SLC47A2: variants seen among roughly 807,000 people sequenced by gnomAD.
SLC47A2 encodes the protein multidrug and toxin extrusion protein 2.
In SLC47A2, 52 loss-of-function variants were observed where a neutral mutation model predicts 67.7. The observed-to-expected ratio is 0.77, with a 90% CI of 0.61 to 0.97. SLC47A2 has a LOEUF of 0.97. Among genes scored for constraint, SLC47A2 ranks in the 50% least tolerant of loss-of-function variants. The pLI, the probability that SLC47A2 is intolerant of heterozygous loss-of-function variation, is 0.00. For missense variants in SLC47A2, 676 were observed against 712.3 expected, an observed-to-expected ratio of 0.95 and a Z score of 0.58; for synonymous variants, 278 against 292.9, an observed-to-expected ratio of 0.95 and a Z score of 0.52.
intron 13 of SLC47A2, among the ~76,000 whole-genome samples, chr17:19,683,130 G>C (rs1045921966): frequency 3.3e-5 from 5 of 151,964 alleles, no homozygotes; most frequent in Non-Finnish European, 5.9e-5. Flanking sequence ...GATCTTTTTT[G>C]GCTAAAGACT....
chr17:19,678,722 C>G lies in SLC47A2; in HGVS notation c.1665G>C (p.Val555=). The G allele has an allele frequency of 6.2e-7, 1 of 1,613,528 alleles. No individual in the cohort carries two copies. Among genetic ancestry groups the G allele is most frequent in the Non-Finnish European group, 8.5e-7 (1 of 1,180,036 alleles). ...ALGAASATLM[V]GLTVRILATR... Reference sequence around the variant, plus strand: ...TGGCTAGGATCCTGACCGTGAGCCCCACCATCAGTGTGGCTGACGCCGCCC... The same window carrying G: ...TGGCTAGGATCCTGACCGTGAGCCCGACCATCAGTGTGGCTGACGCCGCCC... Residue 555 remains valine (V), a synonymous_variant, in exon 17 of 17, where the codon GTG becomes GTC. Transcript: ENST00000433844.
chr17:19,715,310 A>C (rs1004900109), intron 1 of SLC47A2, 93 bp from the exon 2 acceptor site: 2 of 1,144,800 alleles, frequency 1.7e-6, no homozygotes, highest in African/African-American at 3.1e-5. Flanking sequence ...AGGGCCCCGC[A>C]CCAGTGCCCC....
At chr17:19,681,721 C>A in intron 13 of SLC47A2, 51 bp from the exon 14 acceptor site, 1 of 1,573,758 alleles carries the variant, frequency 6.4e-7, no homozygotes. Flanking sequence ...AGACTAAGAG[C>A]AGGTGTCATG....
intron 4 of SLC47A2, 64 bp from the exon 5 acceptor site, chr17:19,712,809 C>T: frequency 6.6e-7 from 1 of 1,522,880 alleles, no homozygotes; most frequent in Non-Finnish European, 9.0e-7. Context: ...GGGCCCTCTC[C>T]CCTGTGTCCT....
At chr17:19,708,464 G>A (rs780479747) in intron 6 of SLC47A2, 65 bp from the exon 7 acceptor site, 38 of 1,614,020 alleles carry the variant, frequency 2.4e-5, no homozygotes, top group South Asian at 1.2e-4. Flanking sequence ...GGACAAACCC[G>A]GGGTTTGGAA....
intron 13 of SLC47A2, among the ~76,000 whole-genome samples, chr17:19,697,901 A>T (rs2085700674): frequency 6.6e-6 from 1 of 152,028 alleles, no homozygotes; most frequent in African/African-American, 2.4e-5. Flanking sequence ...AGCCTACTTA[A>T]TTTTTAAAAT....
At chr17:19,694,041 G>A (rs967611932) in intron 13 of SLC47A2, among the ~76,000 whole-genome samples, 1 of 152,074 alleles carries the variant, frequency 6.6e-6, no homozygotes, top group African/African-American at 2.4e-5. Context: ...AGCATCCAAA[G>A]AATAAAATTC....
intron 16 of SLC47A2, 128 bp downstream of exon 16, chr17:19,679,824 A>G: frequency 1.1e-6 from 1 of 903,998 alleles, no homozygotes; most frequent in East Asian, 2.9e-5. Flanking sequence ...CATTTTCATA[A>G]TAATGGGAAG....
chr17:19,708,473 A>T (rs2152355958), intron 6 of SLC47A2, 74 bp from the exon 7 acceptor site: 1 of 1,614,116 alleles, frequency 6.2e-7, no homozygotes, highest in Non-Finnish European at 8.5e-7. Flanking sequence ...CGGGGTTTGG[A>T]ATGGGGACTC....
At chr17:19,712,402 C>T (rs1597641246) in intron 5 of SLC47A2, among the ~76,000 whole-genome samples, 1 of 152,066 alleles carries the variant, frequency 6.6e-6, no homozygotes, top group East Asian at 1.9e-4. Flanking sequence ...AAATCAAATC[C>T]TGGAGAGAGA....
At position 19,703,142 on chromosome 17, in the gene SLC47A2, G is replaced by A; in HGVS notation, c.1044C>T (p.Thr348=). Residue 348 remains threonine, a synonymous_variant, in exon 12 of 17, where the codon ACC becomes ACT. Coordinates refer to ENST00000433844, the MANE Select transcript of SLC47A2 (RefSeq NM_001099646.3). ...SIVGISLVLG[T]LISILKNQLG... is the part of the protein sequence containing the mutation. The stretch of plus-strand genomic sequence containing the variant: ...GCTGATTTTTCAGGATGCTTATCAG[G>A]GTGCCCAGGACCAGGGAAATGCCAA... The A allele has an allele frequency of 6.2e-7, 1 of 1,614,068 alleles. No homozygotes were observed. Among genetic ancestry groups the A allele is most frequent in the African/African-American group, 1.3e-5 (1 of 75,028 alleles).
intron 5 of SLC47A2, 99 bp from the exon 6 acceptor site, chr17:19,708,859 T>G: frequency 1.4e-6 from 2 of 1,427,648 alleles, no homozygotes; most frequent in Middle Eastern, 1.8e-4. Context: ...TACCCCAGAT[T>G]GGGGAAATTA....
intron 3 of SLC47A2, chr17:19,714,327 A>G: frequency 2.6e-6 from 1 of 389,716 alleles, no homozygotes; most frequent in Non-Finnish European, 4.7e-6. Flanking sequence ...CCACCTGGGC[A>G]GCCCCTGCTG....
chr17:19,681,231 A>C (rs979379360), intron 15 of SLC47A2, 136 bp downstream of exon 15: 24 of 711,160 alleles, frequency 3.4e-5, no homozygotes, highest in Non-Finnish European at 5.1e-5. Context: ...ACAAACAAAA[A>C]AAAAAAACAC....
intron 13 of SLC47A2, among the ~76,000 whole-genome samples, chr17:19,698,573 A>G (rs934425813): frequency 6.6e-6 from 1 of 151,420 alleles, no homozygotes; most frequent in Non-Finnish European, 1.5e-5. Context: ...CTGGTCTTGA[A>G]CTCCTGACCT....
intron 10 of SLC47A2, chr17:19,704,716 TG>T: frequency 6.5e-7 from 1 of 1,538,304 alleles, no homozygotes; most frequent in Admixed American, 2.0e-5. Context: ...AGAGGGGAGG[TG>T]GGGGCTGTGG....
In SLC47A2 at chr17:19,716,572, G is replaced by A; in HGVS notation, c.-17C>T. The A allele has an allele frequency of 6.3e-7, 1 of 1,589,786 alleles. No homozygotes were observed. On this transcript the variant is annotated 5_prime_UTR_variant, in exon 1 of 17. Transcript: ENST00000433844. ...GCTGTCCATTCCTGGCCGGGGCACT[G>A]GCTACCCTGCACGCCTGAGCGCCTG...
chr17:19,691,263 A>G (rs2085534228), intron 13 of SLC47A2, among the ~76,000 whole-genome samples: 1 of 152,196 alleles, frequency 6.6e-6, no homozygotes, highest in Non-Finnish European at 1.5e-5. Flanking sequence ...TATACTCAAA[A>G]GAAAGGAAAT....
intron 10 of SLC47A2, chr17:19,704,971 T>C (rs892442920): frequency 2.5e-6 from 1 of 396,860 alleles, no homozygotes; most frequent in Non-Finnish European, 4.5e-6. Flanking sequence ...GACTACAGGC[T>C]TGTGCCACCA....
Sources: allele counts gnomAD v4.1 joint callset (sites outside exome capture counted in the v4.1 genomes callset), GRCh38; gene constraint gnomAD v4.1.1; transcripts MANE v1.5; gene names NCBI Gene and HGNC (gene_info 2026-07-23, HGNC 2026-07-21).